FAM149A: variants seen among roughly 807,000 people sequenced by gnomAD.
FAM149A encodes the protein family with sequence similarity 149 member A.
In FAM149A, 71 loss-of-function variants were observed where a neutral mutation model predicts 78.2. That is an observed-to-expected ratio of 0.91 (90% CI 0.75 to 1.11). The LOEUF (loss-of-function observed/expected upper bound fraction) is 1.11. Among genes scored for constraint, FAM149A ranks in the 50% least tolerant of loss-of-function variants. The pLI, the probability that FAM149A is intolerant of heterozygous loss-of-function variation, is 0.00. For synonymous variants in FAM149A, 446 were observed against 410.5 expected, an observed-to-expected ratio of 1.09 and a Z score of -1.04; for missense variants, 1,036 against 971.0, an observed-to-expected ratio of 1.07 and a Z score of -0.89.
chr4:186,155,075 C>G (rs1202359265), intron 6 of FAM149A: 7 of 291,970 alleles, frequency 2.4e-5, no homozygotes, highest in Non-Finnish European at 3.1e-5. Context: ...CCATTCTCCT[C>G]CCTCAGCCTC....
At chr4:186,152,539 C>CTTTTTTTTTTTTTTTTT (rs10718602) in intron 4 of FAM149A, among the ~76,000 whole-genome samples, 21 of 88,282 alleles carry the variant, frequency 2.4e-4, no homozygotes, top group East Asian at 3.6e-4. Flanking sequence ...TTTCTTTTTG[C>CTTTTTTTTTTTTTTTTT]TTTTTTTTTT....
At chr4:186,132,957 A>G (rs1306438773) in intron 1 of FAM149A, 3 of 984,996 alleles carry the variant, frequency 3.0e-6, no homozygotes, top group Non-Finnish European at 3.6e-6. Context: ...GTATTTGGAG[A>G]TGGATTTTTT....
intron 6 of FAM149A, 67 bp downstream of exon 6, chr4:186,154,705 T>C (rs1374227238): frequency 4.7e-6 from 7 of 1,493,550 alleles, no homozygotes; most frequent in Non-Finnish European, 6.3e-6. Context: ...TTTATTGTTA[T>C]CGTATGCTCA....
chr4:186,167,919 CA>C (rs1404379442), intron 13 of FAM149A, among the ~76,000 whole-genome samples: 3 of 152,098 alleles, frequency 2.0e-5, no homozygotes, highest in Non-Finnish European at 4.4e-5. Flanking sequence ...TTATAACAAG[CA>C]GGGTACATAA....
chr4:186,120,436 T>C (rs909362358), intron 1 of FAM149A, among the ~76,000 whole-genome samples: 17 of 152,258 alleles, frequency 1.1e-4, no homozygotes, highest in African/African-American at 3.9e-4. Flanking sequence ...AAGTAATTCA[T>C]GGTATTTCCA....
rs142461684 is a variant in FAM149A, at chr4:186,108,570, C to T, written c.566+2928C>T. 6.0e-3 allele frequency among the ~76,000 whole-genome samples: 915 copies of T among 152,224 alleles called. 7 individuals carry two copies. Among genetic ancestry groups the T allele is most frequent in the Middle Eastern group, 0.017 (5 of 294 alleles). On this transcript the variant is annotated intron_variant, in intron 1 of 13. Coordinates refer to ENST00000389354, the MANE Select transcript of FAM149A (RefSeq NM_001367768.3). ...CCAAGAATTCCGTAAGTGAAAGGCC[C>T]ATGGAACAGAGGCTGCCCCTTTTGC...
chr4:186,110,258 A>G (rs2099310641), intron 1 of FAM149A: 11 of 985,278 alleles, frequency 1.1e-5, no homozygotes, highest in African/African-American at 3.5e-5. Context: ...TTCTTGAAGA[A>G]TAATTATTGT....
intron 1 of FAM149A, chr4:186,123,870 A>C (rs369170067): frequency 2.1e-6 from 2 of 973,810 alleles, no homozygotes; most frequent in African/African-American, 3.7e-5. Context: ...TTTATGTGAC[A>C]ATCACTTTCT....
intron 13 of FAM149A, among the ~76,000 whole-genome samples, chr4:186,168,110 T>C (rs191598308): frequency 2.1e-4 from 32 of 152,368 alleles, no homozygotes; most frequent in African/African-American, 7.5e-4. Flanking sequence ...ATGTAAGCAT[T>C]GCGTAGCACA....
At position 186,117,455 on chromosome 4, in the gene FAM149A, A is replaced by C. The variant is rs373829611; in HGVS notation, c.566+11813A>C. 44 of 985,370 alleles carry C rather than the reference A, an allele frequency of 4.5e-5. No individual in the cohort carries two copies. The East Asian group carries it at 2.4e-3, about 53-fold the overall frequency. 61.0% of individuals were successfully genotyped at this position (985,370 alleles called of 1,614,324 possible). A position where few individuals can be genotyped will look rare whatever the true frequency, so the allele number is the denominator to read the frequency against. On this transcript the variant is annotated intron_variant, in intron 1 of 13. Transcript: ENST00000389354. Reference sequence around the variant, plus strand: ...TGCTGTGAGCACACAGCTAAGAGAGAAGAGGAGGCGCGGAGATGATGCTGA... The same window carrying C: ...TGCTGTGAGCACACAGCTAAGAGAGCAGAGGAGGCGCGGAGATGATGCTGA...
intron 1 of FAM149A, among the ~76,000 whole-genome samples, chr4:186,137,049 T>C (rs999891567): frequency 2.0e-5 from 3 of 147,798 alleles, no homozygotes; most frequent in Admixed American, 6.9e-5. Context: ...TGGTGTGTGG[T>C]ACATATTCAG....
chr4:186,162,810 C>CTTTTTTT lies in FAM149A; in HGVS notation c.1576-18_1576-12dup, dbSNP rs56973296. On this transcript the variant is annotated intron_variant, in intron 8 of 13. Transcript: ENST00000389354. ...GGAACGGCACTGGGCATTTGTAATT[C>CTTTTTTT]TTTTTTTTTTTTTTTTTTTTTTTAC... 2.1e-4 allele frequency: 119 copies of CTTTTTTT among 563,094 alleles called. 1 individual carries two copies. Among genetic ancestry groups the CTTTTTTT allele is most frequent in the South Asian group, 5.6e-4 (29 of 51,664 alleles). 34.9% of individuals were successfully genotyped at this position (563,094 alleles called of 1,614,324 possible).
intron 1 of FAM149A, among the ~76,000 whole-genome samples, chr4:186,139,205 T>C (rs9992992): frequency 0.76 from 115,682 of 152,020 alleles, 44,874 homozygotes; most frequent in Middle Eastern, 0.86. Context: ...TTGAGCACTT[T>C]CCTACAGTCT....
At position 186,164,514 on chromosome 4, in the gene FAM149A, C is replaced by T; in HGVS notation, c.1890-830C>T. ...CCAGATGCAGTCATAACCCCCCTTT[C>T]AGCTTTTTAATTGGTGACTGTTTCT... On this transcript the variant is annotated intron_variant, in intron 10 of 13. Transcript: ENST00000389354. This position sits in a 1 kb window ranked among gnomAD's most constrained non-coding sequence, Gnocchi z 4.0. 1 of 984,052 alleles carries T rather than the reference C, an allele frequency of 1.0e-6. No individual in the cohort carries two copies. The highest frequency in any genetic ancestry group is 1.2e-6 in the Non-Finnish European group (1 of 828,692). The allele number at this position is 984,052 out of a possible 1,614,324, so 61.0% of individuals were successfully genotyped here.
intron 1 of FAM149A, among the ~76,000 whole-genome samples, chr4:186,142,048 C>A (rs984782313): frequency 1.3e-5 from 2 of 152,140 alleles, no homozygotes; most frequent in Admixed American, 6.5e-5. Context: ...TACTTAGTTG[C>A]AAACCTAGGC....
chr4:186,126,751 G>A (rs899687162), intron 1 of FAM149A: 1 of 403,356 alleles, frequency 2.5e-6, no homozygotes, highest in Non-Finnish European at 3.4e-6. Context: ...TCTTCAGCTC[G>A]CAGATGGCAG....
At chr4:186,167,125 T>C (rs1431700891) in intron 12 of FAM149A, 29 bp downstream of exon 12, 1 of 1,602,812 alleles carries the variant, frequency 6.2e-7, no homozygotes. Flanking sequence ...GTAACTTTAA[T>C]TTTGAAAAAC....
chr4:186,168,392 G>A (rs952974142), intron 13 of FAM149A, among the ~76,000 whole-genome samples: 1 of 152,156 alleles, frequency 6.6e-6, no homozygotes, highest in African/African-American at 2.4e-5. Flanking sequence ...GTCTCACTGC[G>A]ACGCCCAGGC....
At chr4:186,146,017 C>G (rs1426477288) in intron 1 of FAM149A, among the ~76,000 whole-genome samples, 1 of 151,864 alleles carries the variant, frequency 6.6e-6, no homozygotes, top group Non-Finnish European at 1.5e-5. Flanking sequence ...AAGAAAAAGA[C>G]AAGAAAGGGA....
Sources: gnomAD v4.1 joint callset for allele counts (sites outside exome capture counted in the v4.1 genomes callset) on GRCh38, gnomAD v4.1.1 for gene constraint, Gnocchi (gnomAD v3.1) non-coding constraint, MANE v1.5 for transcripts, NCBI Gene and HGNC (gene_info 2026-07-23, HGNC 2026-07-21) for gene names.